C6orf132: variants seen among roughly 807,000 people sequenced by gnomAD.
C6orf132 encodes the protein chromosome 6 open reading frame 132.
A neutral mutation model predicts 65.3 loss-of-function variants in C6orf132; 43 were observed. The ratio of observed to expected loss-of-function variants is 0.66; its 90% CI spans 0.52 to 0.85. The LOEUF (loss-of-function observed/expected upper bound fraction) is 0.85. C6orf132 is among the 40% of genes least tolerant of loss of function. C6orf132 has a pLI of 0.00. For missense variants in C6orf132, 1,488 were observed against 1,548.8 expected (o/e 0.96, Z 0.66); for synonymous variants, 631 against 654.1 (o/e 0.96, Z 0.54).
At chr6:42,131,262 C>A (rs978463551) in intron 1 of C6orf132, among the ~76,000 whole-genome samples, 5 of 152,216 alleles carry the variant, frequency 3.3e-5, no homozygotes, top group African/African-American at 4.8e-5. Context: ...CTCAGGTGAT[C>A]TACACACCTC....
Position 42,106,700 on chromosome 6 carries a change from AGGG to A in C6orf132, c.1209_1211del (p.Pro406del). 3.3e-6 allele frequency: 1 copy of A among 301,584 alleles called. No individual in the cohort carries two copies. The highest frequency in any genetic ancestry group is 4.1e-6 in the Non-Finnish European group (1 of 244,004). The allele number at this position is 301,584 out of a possible 1,614,324, so 18.7% of individuals were successfully genotyped here. A position where few individuals can be genotyped will look rare whatever the true frequency, so the allele number is the denominator to read the frequency against. On this transcript the variant is annotated inframe_deletion, in exon 4 of 5. Coordinates refer to ENST00000341865, the MANE Select transcript of C6orf132 (RefSeq NM_001164446.3). ...CTGGGGGAAGTGGGGGTGCTGGGGG[AGGG>A]AGGGGGGGTGCAGGAGGGGGCAGGG...
Position 42,106,441 on chromosome 6 carries a change from T to C in C6orf132, c.1471A>G (p.Arg491Gly), listed in dbSNP as rs1383326353. The C allele has an allele frequency of 2.0e-6, 3 of 1,536,100 alleles. No homozygotes were observed. In the Admixed American group the frequency reaches 5.9e-5, roughly 30 times the overall value. ...SRREDRFLSHRPGPTVAPQSK... is the reference protein window; with the variant it reads ...SRREDRFLSHGPGPTVAPQSK... The stretch of plus-strand genomic sequence containing the variant: ...TGAGGGGCCACTGTTGGGCCTGGCC[T>C]GTGACTGAGGAATCGGTCCTCTCTC... Residue 491 changes from arginine (R) to glycine (G), a missense_variant, in exon 4 of 5, where the codon AGG becomes GGG. By Grantham distance (125) the Arg-to-Gly change is moderately radical (BLOSUM62 -2). Coordinates refer to ENST00000341865, the MANE Select transcript of C6orf132 (RefSeq NM_001164446.3).
chr6:42,118,862 CCTTTA>C (rs1766629470), intron 2 of C6orf132, among the ~76,000 whole-genome samples: 1 of 147,976 alleles, frequency 6.8e-6, no homozygotes, highest in Admixed American at 7.0e-5. Flanking sequence ...TTGAAGCAGC[CCTTTA>C]ATTTTTTTTT....
intron 2 of C6orf132, among the ~76,000 whole-genome samples, chr6:42,127,799 CTCAG>C (rs1221536054): frequency 6.6e-6 from 1 of 152,072 alleles, no homozygotes; most frequent in South Asian, 2.1e-4. Flanking sequence ...CTTAAAATGT[CTCAG>C]TCTGTCAGAA....
At chr6:42,136,436 G>A (rs1328655492) in intron 1 of C6orf132, among the ~76,000 whole-genome samples, 3 of 152,312 alleles carry the variant, frequency 2.0e-5, no homozygotes, top group South Asian at 2.1e-4. Context: ...TTGGATTCCT[G>A]GGGCTTAGGA....
At chr6:42,134,511 C>T (rs546989247) in intron 1 of C6orf132, among the ~76,000 whole-genome samples, 62 of 152,224 alleles carry the variant, frequency 4.1e-4, no homozygotes, top group African/African-American at 1.4e-3. Context: ...CAGTAGCTCA[C>T]GCCTGTAATC....
chr6:42,123,906 C>T (rs958330460), intron 2 of C6orf132, among the ~76,000 whole-genome samples: 1 of 152,166 alleles, frequency 6.6e-6, no homozygotes, highest in African/African-American at 2.4e-5. Flanking sequence ...GGTGGGGTTG[C>T]GCCAGTAGCT....
intron 2 of C6orf132, among the ~76,000 whole-genome samples, chr6:42,117,547 A>T (rs1766601316): frequency 6.6e-6 from 1 of 152,092 alleles, no homozygotes; most frequent in African/African-American, 2.4e-5. Flanking sequence ...GCTTCTTTGT[A>T]TGTGCCTGAC....
intron 1 of C6orf132, among the ~76,000 whole-genome samples, chr6:42,130,619 G>A (rs1766836449): frequency 6.6e-6 from 1 of 152,084 alleles, no homozygotes; most frequent in East Asian, 1.9e-4. Flanking sequence ...GGGATCTAGG[G>A]AGCCTCCTTC....
rs118109565 is a variant in C6orf132, at chr6:42,103,214, G to A, written c.*547C>T. On this transcript the variant is annotated 3_prime_UTR_variant, in exon 5 of 5. Transcript: ENST00000341865. ...CACATTCCTGGTCCCACCTCAATGCGGCTAGGAACCCCAGGTGTCCACTCT... is the reference window on the plus strand; with the variant it reads ...CACATTCCTGGTCCCACCTCAATGCAGCTAGGAACCCCAGGTGTCCACTCT... The A allele has an allele frequency of 2.4e-4, 94 of 398,584 alleles. 1 individual carries two copies. The highest frequency in any genetic ancestry group is 2.4e-3 in the East Asian group (66 of 28,058). 24.7% of individuals were successfully genotyped at this position (398,584 alleles called of 1,614,324 possible). A position where few individuals can be genotyped will look rare whatever the true frequency, so the allele number is the denominator to read the frequency against.
intron 2 of C6orf132, 46 bp from the exon 3 acceptor site, chr6:42,110,337 G>A: frequency 6.9e-7 from 1 of 1,456,764 alleles, no homozygotes; most frequent in Non-Finnish European, 9.3e-7. Flanking sequence ...AAGATGGACA[G>A]ATAATTCTCA....
chr6:42,142,230 A>G lies in C6orf132; in HGVS notation c.145+70T>C, dbSNP rs1206795218. On this transcript the variant is annotated intron_variant, in intron 1 of 4. Coordinates refer to ENST00000341865, the MANE Select transcript of C6orf132 (RefSeq NM_001164446.3). ...TCCCTCCCCTCCGCGCCTCCAGGAG[A>G]CAGCACCGCCGGCCCTGCCCCAGCG... The G allele has an allele frequency of 3.4e-6, 5 of 1,488,998 alleles. No individual in the cohort carries two copies. In the African/African-American group the frequency reaches 4.2e-5, roughly 13 times the overall value. 92.2% of individuals were successfully genotyped at this position (1,488,998 alleles called of 1,614,324 possible). A position where few individuals can be genotyped will look rare whatever the true frequency, so the allele number is the denominator to read the frequency against.
chr6:42,116,967 A>G (rs1211955524), intron 2 of C6orf132, among the ~76,000 whole-genome samples: 1 of 152,054 alleles, frequency 6.6e-6, no homozygotes, highest in Non-Finnish European at 1.5e-5. Context: ...CAACCCCCGA[A>G]AGTCACTGCT....
intron 1 of C6orf132, among the ~76,000 whole-genome samples, chr6:42,134,007 C>T (rs1201045403): frequency 1.3e-5 from 2 of 152,166 alleles, no homozygotes; most frequent in African/African-American, 4.8e-5. Context: ...GCCCCTTCTC[C>T]CTCAGGAGAA....
At chr6:42,120,175 G>GC (rs1766657798) in intron 2 of C6orf132, among the ~76,000 whole-genome samples, 1 of 151,776 alleles carries the variant, frequency 6.6e-6, no homozygotes, top group Non-Finnish European at 1.5e-5. Context: ...TAGGGAGGAA[G>GC]CATGGGTGGA....
chr6:42,115,146 C>T (rs538971502), intron 2 of C6orf132, among the ~76,000 whole-genome samples: 16 of 150,208 alleles, frequency 1.1e-4, no homozygotes, highest in Admixed American at 4.0e-4. Context: ...AAAAATTAGC[C>T]GGGCATGGTG....
At position 42,134,852 on chromosome 6, in the gene C6orf132, C is replaced by T. The variant is rs184559535; in HGVS notation, c.146-6074G>A. ...ACTAAAAATACAAAAATTAGCCAGG[C>T]GTGGTGGTGGGCGCCTGTAATCCCA... On this transcript the variant is annotated intron_variant, in intron 1 of 4. Transcript: ENST00000341865. 3.3e-5 allele frequency among the ~76,000 whole-genome samples: 5 copies of T among 150,044 alleles called. No individual in the cohort carries two copies. The East Asian group carries it at 5.9e-4, about 18-fold the overall frequency.
chr6:42,108,028 G>A (rs1211076648), intron 3 of C6orf132, among the ~76,000 whole-genome samples: 1 of 152,170 alleles, frequency 6.6e-6, no homozygotes, highest in African/African-American at 2.4e-5. Context: ...ACTATGTTCA[G>A]TCCCTGGGTG....
chr6:42,136,567 G>A (rs529933318), intron 1 of C6orf132, among the ~76,000 whole-genome samples: 4 of 152,350 alleles, frequency 2.6e-5, no homozygotes, highest in Admixed American at 2.6e-4. Flanking sequence ...GGACAGTGAA[G>A]TATGAAGTGT....
Sources: gnomAD v4.1 joint callset for allele counts (sites outside exome capture counted in the v4.1 genomes callset) on GRCh38, gnomAD v4.1.1 for gene constraint, MANE v1.5 for transcripts, NCBI Gene and HGNC (gene_info 2026-07-23, HGNC 2026-07-21) for gene names.